Variants in ELMO1 observed in about 807,000 individuals in gnomAD.
ELMO1 encodes the protein engulfment and cell motility protein 1.
ELMO1 carries 26 observed loss-of-function variants against 98.9 expected under a neutral mutation model. That is an observed-to-expected ratio of 0.26 (90% confidence interval 0.19 to 0.36). The LOEUF is 0.36. ELMO1 is among the 10% of genes least tolerant of loss of function. The probability of loss-of-function intolerance (pLI) is 1.00; values close to 1 mark genes in which losing one functional copy is unlikely to be tolerated. For missense variants in ELMO1, 627 were observed against 935.2 expected (o/e 0.67, Z 4.30); for synonymous variants, 346 against 346.0 (o/e 1.00, Z 0.00).
chr7:37,448,351 G>A (rs1189792020), intron 1 of ELMO1, among the ~76,000 whole-genome samples: 7 of 150,274 alleles, frequency 4.7e-5, no homozygotes, highest in Non-Finnish European at 7.4e-5. Flanking sequence ...GGGCTCCCGG[G>A]CCCCGGGCCC....
intron 20 of ELMO1, among the ~76,000 whole-genome samples, chr7:36,869,062 T>C (rs1803286722): frequency 6.6e-6 from 1 of 152,240 alleles, no homozygotes; most frequent in Non-Finnish European, 1.5e-5. Context: ...TAGCTAAGGA[T>C]GCTTCTCTAA....
intron 1 of ELMO1, among the ~76,000 whole-genome samples, chr7:37,361,102 A>T (rs113004949): frequency 1.6e-4 from 24 of 152,332 alleles, no homozygotes; most frequent in African/African-American, 5.8e-4. Context: ...GTACATTTTT[A>T]AAAATATTAA....
chr7:37,376,831 G>A (rs567092508), intron 1 of ELMO1, among the ~76,000 whole-genome samples: 1 of 152,170 alleles, frequency 6.6e-6, no homozygotes, highest in African/African-American at 2.4e-5. Flanking sequence ...GGCTTTATCT[G>A]TGTAGCAGGC....
intron 4 of ELMO1, among the ~76,000 whole-genome samples, chr7:37,287,486 T>C (rs1017095001): frequency 3.3e-5 from 5 of 152,214 alleles, no homozygotes; most frequent in Middle Eastern, 3.2e-3. Context: ...TAATTTCTAA[T>C]TAGGCATAAG....
chr7:37,103,692 A>C (rs1044259179), intron 14 of ELMO1, among the ~76,000 whole-genome samples: 9 of 152,008 alleles, frequency 5.9e-5, no homozygotes, highest in Middle Eastern at 3.4e-3. Context: ...AATATTAAAT[A>C]AAAAAAATAA....
chr7:37,082,553 G>A (rs551693922), intron 15 of ELMO1, among the ~76,000 whole-genome samples: 4 of 151,914 alleles, frequency 2.6e-5, no homozygotes, highest in Non-Finnish European at 5.9e-5. Context: ...AAAAAAAATT[G>A]GTATAGTGTA....
At chr7:36,917,589 C>G (rs943777755) in intron 16 of ELMO1, among the ~76,000 whole-genome samples, 1 of 152,192 alleles carries the variant, frequency 6.6e-6, no homozygotes, top group African/African-American at 2.4e-5. Context: ...TTAAATGTCA[C>G]TCTCAGACAT....
intron 13 of ELMO1, among the ~76,000 whole-genome samples, chr7:37,157,412 A>T (rs1788858489): frequency 6.6e-6 from 1 of 152,210 alleles, no homozygotes; most frequent in African/African-American, 2.4e-5. Flanking sequence ...TATATCTAGA[A>T]AACCCCATCG....
intron 16 of ELMO1, among the ~76,000 whole-genome samples, chr7:36,896,613 C>A (rs1402369987): frequency 6.6e-6 from 1 of 152,170 alleles, no homozygotes; most frequent in Non-Finnish European, 1.5e-5. Flanking sequence ...TGTTTCATGC[C>A]CCCAGCATAA....
At chr7:37,321,471 A>G (rs1199054726) in intron 2 of ELMO1, among the ~76,000 whole-genome samples, 1 of 151,922 alleles carries the variant, frequency 6.6e-6, no homozygotes, top group Non-Finnish European at 1.5e-5. Flanking sequence ...TAATCCCAGC[A>G]CTTTGGGAGG....
intron 16 of ELMO1, chr7:36,997,881 G>A (rs1027850742): frequency 1.3e-5 from 2 of 152,388 alleles, no homozygotes; most frequent in African/African-American, 4.8e-5. Context: ...GGAACAGGAT[G>A]AACAAGAACA....
chr7:37,321,809 C>G (rs1330370506), intron 2 of ELMO1, among the ~76,000 whole-genome samples: 2 of 146,920 alleles, frequency 1.4e-5, no homozygotes, highest in African/African-American at 5.0e-5. Context: ...CTGCTTGATT[C>G]TTCTCCCTAT....
At chr7:37,327,082 A>G (rs772387610) in intron 2 of ELMO1, among the ~76,000 whole-genome samples, 4 of 152,198 alleles carry the variant, frequency 2.6e-5, no homozygotes, top group African/African-American at 9.7e-5. Flanking sequence ...CCACTTTCCT[A>G]ATTCCCATAT....
intron 15 of ELMO1, among the ~76,000 whole-genome samples, chr7:37,038,984 C>T (rs562134804): frequency 3.3e-5 from 5 of 152,306 alleles, no homozygotes; most frequent in African/African-American, 7.2e-5. Flanking sequence ...AATACCTTCA[C>T]ATTGCCAGTT....
intron 1 of ELMO1, among the ~76,000 whole-genome samples, chr7:37,420,564 T>G (rs1200616905): frequency 6.6e-6 from 1 of 152,222 alleles, no homozygotes; most frequent in African/African-American, 2.4e-5. Context: ...CTACATTGCC[T>G]GGCCTTTCCT....
At position 36,933,148 on chromosome 7, in the gene ELMO1, T is replaced by C. The variant is rs80274565; in HGVS notation, c.1438-38131A>G. 1.3e-3 allele frequency among the ~76,000 whole-genome samples: 191 copies of C among 152,278 alleles called. 2 individuals are homozygous for C. The highest frequency in any genetic ancestry group is 4.5e-3 in the African/African-American group (186 of 41,554). On this transcript the variant is annotated intron_variant, in intron 16 of 21. Coordinates refer to ENST00000310758, the MANE Select transcript of ELMO1 (RefSeq NM_014800.11). ...AGAGCACGTGGGGCTAGACAGTATC[T>C]TTATGTCACTCACCCGTGCTTTGAG...
intron 15 of ELMO1, among the ~76,000 whole-genome samples, chr7:37,029,977 T>C (rs935236439): frequency 6.6e-6 from 1 of 152,200 alleles, no homozygotes; most frequent in Non-Finnish European, 1.5e-5. Context: ...CCGAAGGTTC[T>C]ATAAGATCCC....
At chr7:37,393,139 T>G (rs573892315) in intron 1 of ELMO1, among the ~76,000 whole-genome samples, 1 of 152,238 alleles carries the variant, frequency 6.6e-6, no homozygotes, top group African/African-American at 2.4e-5. Context: ...TTTTTATTCT[T>G]TCTTAAAAAT....
intron 16 of ELMO1, among the ~76,000 whole-genome samples, chr7:36,991,246 C>A (rs1791856332): frequency 6.6e-6 from 1 of 152,104 alleles, no homozygotes; most frequent in African/African-American, 2.4e-5. Flanking sequence ...TATGGAATGC[C>A]CTCATACACA....
Sources: allele counts gnomAD v4.1 joint callset (sites outside exome capture counted in the v4.1 genomes callset), GRCh38; gene constraint gnomAD v4.1.1; transcripts MANE v1.5; gene names NCBI Gene and HGNC (gene_info 2026-07-23, HGNC 2026-07-21).